The following ZFHX3 variants were observed in gnomAD, a reference collection of about 807,000 sequenced individuals.
The protein encoded by ZFHX3 is zinc finger homeobox protein 3.
In ZFHX3, 42 loss-of-function variants were observed where a neutral mutation model predicts 279.1. The observed-to-expected ratio is 0.15, with a 90% CI of 0.12 to 0.19. The LOEUF (loss-of-function observed/expected upper bound fraction) is 0.19, where lower values mean the gene tolerates loss of function less well. ZFHX3 is among the 10% of genes least tolerant of loss of function. The probability of loss-of-function intolerance (pLI) is 1.00; values close to 1 mark genes in which losing one functional copy is unlikely to be tolerated. For synonymous variants in ZFHX3, 2,293 were observed against 1,957.8 expected, an observed-to-expected ratio of 1.17 and a Z score of -4.52; for missense variants, 4,981 against 4,754.0, an observed-to-expected ratio of 1.05 and a Z score of -1.40.
intron 6 of ZFHX3, among the ~76,000 whole-genome samples, chr16:73,136,853 T>C (rs1966805589): frequency 6.6e-6 from 1 of 151,376 alleles, no homozygotes; most frequent in Admixed American, 6.6e-5. Context: ...AATGTTTATC[T>C]AACAGCTTCT....
chr16:73,158,746 AC>A (rs1387688513), intron 5 of ZFHX3, among the ~76,000 whole-genome samples: 1 of 152,214 alleles, frequency 6.6e-6, no homozygotes, highest in Non-Finnish European at 1.5e-5. Context: ...GACGAATGGA[AC>A]AGAATAGAGA....
chr16:73,349,291 C>T (rs2016180132), intron 3 of ZFHX3, among the ~76,000 whole-genome samples: 1 of 152,148 alleles, frequency 6.6e-6, no homozygotes, highest in Non-Finnish European at 1.5e-5. Context: ...ACACCCTTCC[C>T]CTGGAGTCAC....
At chr16:73,774,327 G>T (rs1014088967) in intron 1 of ZFHX3, among the ~76,000 whole-genome samples, 1 of 152,164 alleles carries the variant, frequency 6.6e-6, no homozygotes, top group Non-Finnish European at 1.5e-5. Flanking sequence ...GTTGGTGAAT[G>T]AATGAAGGCT....
intron 4 of ZFHX3, among the ~76,000 whole-genome samples, chr16:73,288,084 G>T (rs1441075851): frequency 6.6e-6 from 1 of 151,850 alleles, no homozygotes; most frequent in African/African-American, 2.4e-5. Context: ...CTGCACATTT[G>T]CTCTTAGCCG....
At position 72,957,816 on chromosome 16, in the gene ZFHX3, A is replaced by G. The variant is rs4788682; in HGVS notation, c.2330T>C (p.Val777Ala). The G allele has an allele frequency of 0.83, 1,325,898 of 1,597,110 alleles. 549,970 individuals are homozygous for G. The highest frequency in any genetic ancestry group is 0.9 in the Admixed American group (52,791 of 58,806). Residue 777 changes from valine (V) to alanine (A), a missense_variant, in exon 2 of 10, where the codon GTG becomes GCG. Transcript: ENST00000268489. ...ATTGGCTGCCGCCGCCGCCGCAGCC[A>G]CCGCCGCCGCCGCCGCCCCGGCAGT... Reference protein sequence around the residue: ...SHTAGAAAAAVAAAAAAANIS... With the variant: ...SHTAGAAAAAAAAAAAAANIS...
intron 3 of ZFHX3, among the ~76,000 whole-genome samples, chr16:73,390,532 A>G (rs113376259): frequency 1.6e-4 from 25 of 152,282 alleles, no homozygotes; most frequent in African/African-American, 6.0e-4. Flanking sequence ...AGAGAATGGT[A>G]TATTTTGAAT....
chr16:73,215,018 G>A (rs1191305527), intron 5 of ZFHX3, among the ~76,000 whole-genome samples: 1 of 151,926 alleles, frequency 6.6e-6, no homozygotes, highest in Admixed American at 6.6e-5. Flanking sequence ...TTCTGTAGAG[G>A]GGGCAGGGGG....
chr16:73,398,856 G>GT lies in ZFHX3; in HGVS notation c.-1291+57146dup, dbSNP rs4011545. ...ACAAGTACACTTATAAGTGGCAGTG[G>GT]TTTTTTTTGTTTTGTTTTGTTTTTT... On this transcript the variant is annotated intron_variant, in intron 3 of 17. Transcript: ENST00000641206. Among the ~76,000 whole-genome samples, 7 of 151,256 alleles carry GT rather than the reference G, an allele frequency of 4.6e-5. No homozygotes were observed. In the South Asian group the frequency reaches 8.4e-4, roughly 18 times the overall value.
intron 4 of ZFHX3, among the ~76,000 whole-genome samples, chr16:72,856,973 T>G (rs920720869): frequency 1.3e-5 from 2 of 152,120 alleles, no homozygotes; most frequent in Admixed American, 6.5e-5. Context: ...TAAGGAGAAC[T>G]CCACACTGAC....
chr16:72,872,291 G>T (rs571015929), intron 4 of ZFHX3, among the ~76,000 whole-genome samples: 37 of 152,178 alleles, frequency 2.4e-4, no homozygotes, highest in Admixed American at 2.3e-3. Context: ...TGAAAACAGA[G>T]CTCCTATCAG....
chr16:73,005,502 G>T (rs1395579461), intron 1 of ZFHX3: 2 of 150,556 alleles, frequency 1.3e-5, no homozygotes, highest in African/African-American at 4.9e-5. Flanking sequence ...CTCAAAAAAA[G>T]AAAAAAGTTG....
chr16:73,546,499 G>A (rs1179602307), intron 2 of ZFHX3, among the ~76,000 whole-genome samples: 2 of 151,826 alleles, frequency 1.3e-5, no homozygotes, highest in African/African-American at 4.8e-5. Flanking sequence ...TTTTTGGCGG[G>A]GGGCGGGGGC....
At chr16:72,832,260 A>G (rs2037077801) in intron 4 of ZFHX3, among the ~76,000 whole-genome samples, 2 of 152,134 alleles carry the variant, frequency 1.3e-5, no homozygotes, top group African/African-American at 2.4e-5. Context: ...CTTACCAAAC[A>G]AATCTGTTGA....
intron 4 of ZFHX3, among the ~76,000 whole-genome samples, chr16:72,864,845 T>C (rs1270434742): frequency 6.6e-6 from 1 of 152,234 alleles, no homozygotes; most frequent in East Asian, 1.9e-4. Flanking sequence ...TTGAAGATGA[T>C]GCCTAGCGCA....
chr16:73,560,654 C>T (rs190753876), intron 2 of ZFHX3, among the ~76,000 whole-genome samples: 1 of 152,326 alleles, frequency 6.6e-6, no homozygotes, highest in African/African-American at 2.4e-5. Flanking sequence ...GGGGATTCAG[C>T]AGCAGGCTGT....
chr16:72,870,296 G>A (rs948947551), intron 4 of ZFHX3, among the ~76,000 whole-genome samples: 1 of 152,142 alleles, frequency 6.6e-6, no homozygotes, highest in African/African-American at 2.4e-5. Flanking sequence ...GGAGGCTGAG[G>A]TGGGAGGATC....
intron 2 of ZFHX3, among the ~76,000 whole-genome samples, chr16:73,545,708 G>A (rs554060752): frequency 6.6e-6 from 1 of 151,212 alleles, no homozygotes; most frequent in Non-Finnish European, 1.5e-5. Context: ...CCTCCTGGTT[G>A]TTATTTATTT....
intron 5 of ZFHX3, among the ~76,000 whole-genome samples, chr16:73,229,632 A>G (rs562849200): frequency 6.6e-6 from 1 of 152,294 alleles, no homozygotes; most frequent in East Asian, 1.9e-4. Flanking sequence ...CCCCTCTTTT[A>G]AGGGCAGCAT....
chr16:73,682,908 G>C (rs796254766), intron 1 of ZFHX3, among the ~76,000 whole-genome samples: 1 of 41,736 alleles, frequency 2.4e-5, no homozygotes, highest in African/African-American at 9.5e-5. Flanking sequence ...GAAAGAAAGA[G>C]AAAGAAAGAG....
Sources: gnomAD v4.1 joint callset for allele counts (sites outside exome capture counted in the v4.1 genomes callset) on GRCh38, gnomAD v4.1.1 for gene constraint, MANE v1.5 for transcripts, NCBI Gene and HGNC (gene_info 2026-07-23, HGNC 2026-07-21) for gene names.